Variants in WDPCP observed in about 807,000 individuals in gnomAD.
WDPCP encodes the protein WD repeat-containing and planar cell polarity effector protein fritz homolog.
Under a neutral mutation model 93.1 loss-of-function variants are expected in WDPCP, and 71 were observed. The ratio of observed to expected loss-of-function variants is 0.76; its 90% confidence interval spans 0.63 to 0.93. The LOEUF is 0.93. WDPCP is among the 40% of genes least tolerant of loss of function. WDPCP has a pLI of 0.00. For missense variants in WDPCP, 844 were observed against 887.4 expected (o/e 0.95, Z 0.62); for synonymous variants, 315 against 315.0 (o/e 1.00, Z 0.00).
intron 2 of WDPCP, among the ~76,000 whole-genome samples, chr2:63,690,888 T>C (rs1029183731): frequency 6.6e-6 from 1 of 152,200 alleles, no homozygotes; most frequent in Non-Finnish European, 1.5e-5. Flanking sequence ...TTGGAATTAA[T>C]ATAAATATCT....
chr2:63,551,403 C>A (rs2106359153), intron 1 of WDPCP, among the ~76,000 whole-genome samples: 1 of 152,244 alleles, frequency 6.6e-6, no homozygotes, highest in South Asian at 2.1e-4. Context: ...CTTGAGATAG[C>A]AAGTTCTCAC....
At chr2:63,610,745 T>A (rs1438601017) in intron 3 of WDPCP, among the ~76,000 whole-genome samples, 2 of 152,212 alleles carry the variant, frequency 1.3e-5, no homozygotes, top group Non-Finnish European at 2.9e-5. Flanking sequence ...ACATAAATTA[T>A]AACACACTGT....
In WDPCP at chr2:63,703,715, G is replaced by T. The variant is rs978157075; in HGVS notation, n.309-52877C>A. Among the ~76,000 whole-genome samples the T allele has an allele frequency of 4.6e-5, 7 of 152,130 alleles. No homozygotes were observed. The South Asian group carries it at 6.2e-4, about 14-fold the overall frequency. ...TTGGTTACTGTAGCCTTGTAGTATAGTTTGAAGTCAGGTAGCATGATGCCT... is the reference window on the plus strand; with the variant it reads ...TTGGTTACTGTAGCCTTGTAGTATATTTTGAAGTCAGGTAGCATGATGCCT... On this transcript the variant is annotated intron_variant and non_coding_transcript_variant, in intron 2 of 4. Coordinates refer to the WDPCP transcript ENST00000467687.
chr2:63,246,741 G>C (rs1294730285), intron 14 of WDPCP, among the ~76,000 whole-genome samples: 2 of 152,104 alleles, frequency 1.3e-5, no homozygotes, highest in Non-Finnish European at 2.9e-5. Context: ...TGTCAAGTGA[G>C]AGAAAAATGT....
chr2:63,787,242 C>G (rs986598578), intron 2 of WDPCP, among the ~76,000 whole-genome samples: 8 of 152,152 alleles, frequency 5.3e-5, no homozygotes, highest in African/African-American at 1.9e-4. Context: ...TGGAGATGGG[C>G]CCCTGTGGGG....
At chr2:63,378,549 ACTC>A in intron 11 of WDPCP, 40 bp from the exon 12 acceptor site, 2 of 1,612,362 alleles carry the variant, frequency 1.2e-6, no homozygotes, top group Non-Finnish European at 1.7e-6. Flanking sequence ...ACAAGTGAAA[ACTC>A]CTTCAATTAC....
chr2:63,195,623 T>C (rs978451716), intron 14 of WDPCP, among the ~76,000 whole-genome samples: 1 of 152,036 alleles, frequency 6.6e-6, no homozygotes, highest in African/African-American at 2.4e-5. Flanking sequence ...AGGACAGACA[T>C]AGATTTTTTC....
intron 2 of WDPCP, among the ~76,000 whole-genome samples, chr2:63,723,634 G>A (rs1428291000): frequency 2.0e-5 from 3 of 151,800 alleles, no homozygotes; most frequent in Non-Finnish European, 4.4e-5. Flanking sequence ...TGTCAGTTTG[G>A]ACAGTACTCA....
At chr2:63,755,039 T>C (rs919262980) in intron 2 of WDPCP, among the ~76,000 whole-genome samples, 11 of 152,208 alleles carry the variant, frequency 7.2e-5, no homozygotes, top group Non-Finnish European at 1.6e-4. Flanking sequence ...TTTGGTTTCC[T>C]GACACTCAGG....
At chr2:63,481,342 A>G (rs894806310) in intron 6 of WDPCP, among the ~76,000 whole-genome samples, 1 of 152,286 alleles carries the variant, frequency 6.6e-6, no homozygotes, top group East Asian at 1.9e-4. Flanking sequence ...GAGATTCCTT[A>G]AAGAACTAAA....
At position 63,378,526 on chromosome 2, in the gene WDPCP, T is replaced by C. The variant is rs200755555; in HGVS notation, c.1625-17A>G. Reference sequence around the variant, plus strand: ...CAAGCTGTGCTGTGGAATTCAAACATAGCAGCACTAAAACAAGTGAAAACT... The same window carrying C: ...CAAGCTGTGCTGTGGAATTCAAACACAGCAGCACTAAAACAAGTGAAAACT... On this transcript the variant is annotated splice_polypyrimidine_tract_variant and intron_variant, in intron 11 of 17. Coordinates refer to ENST00000272321, the MANE Select transcript of WDPCP (RefSeq NM_015910.7). 1.2e-6 allele frequency: 2 copies of C among 1,612,854 alleles called. No homozygotes were observed. Among genetic ancestry groups the C allele is most frequent in the South Asian group, 2.2e-5 (2 of 91,060 alleles).
intron 2 of WDPCP, among the ~76,000 whole-genome samples, chr2:63,705,864 G>A (rs1345351698): frequency 6.6e-6 from 1 of 151,882 alleles, no homozygotes; most frequent in Non-Finnish European, 1.5e-5. Flanking sequence ...TTAACTTTCT[G>A]TCTTGTTGAT....
chr2:63,157,528 G>GT (rs1350181091), intron 15 of WDPCP, among the ~76,000 whole-genome samples: 1 of 152,046 alleles, frequency 6.6e-6, no homozygotes, highest in Non-Finnish European at 1.5e-5. Flanking sequence ...CTTTTACAGA[G>GT]TTTTTTGTTT....
At chr2:63,184,168 TA>T (rs1328105619) in intron 14 of WDPCP, among the ~76,000 whole-genome samples, 1 of 152,188 alleles carries the variant, frequency 6.6e-6, no homozygotes, top group African/African-American at 2.4e-5. Flanking sequence ...ATCATAATGT[TA>T]ATTGTTATCA....
At chr2:63,486,651 C>T (rs1700592123) in intron 3 of WDPCP, 65 bp from the exon 4 acceptor site, 2 of 1,367,112 alleles carry the variant, frequency 1.5e-6, no homozygotes, top group South Asian at 2.6e-5. Context: ...TATTATAATG[C>T]CTTGTATTTT....
chr2:63,645,373 T>G (rs952272078), intron 3 of WDPCP, among the ~76,000 whole-genome samples: 1 of 152,174 alleles, frequency 6.6e-6, no homozygotes, highest in African/African-American at 2.4e-5. Context: ...AGATGCTGGA[T>G]AGTATTTCAA....
chr2:63,159,249 T>G lies in WDPCP; in HGVS notation c.2079-5675A>C, dbSNP rs114324195. 6.0e-3 allele frequency among the ~76,000 whole-genome samples: 898 copies of G among 150,360 alleles called. 9 individuals carry two copies. Among genetic ancestry groups the G allele is most frequent in the African/African-American group, 0.021 (844 of 41,078 alleles). The stretch of plus-strand genomic sequence containing the variant: ...CTTCTATTTCTTTTTGATACTTGGG[T>G]TTTTTTTTGTTTGTTGGTTTTTTAA... On this transcript the variant is annotated intron_variant, in intron 15 of 17. Transcript: ENST00000272321.
chr2:63,387,876 A>G (rs1341884901), intron 10 of WDPCP, among the ~76,000 whole-genome samples: 1 of 152,142 alleles, frequency 6.6e-6, no homozygotes. Context: ...CATTCACAAA[A>G]GCCACAAAAA....
chr2:63,286,591 G>T (rs899092354), intron 13 of WDPCP, among the ~76,000 whole-genome samples: 1 of 152,166 alleles, frequency 6.6e-6, no homozygotes, highest in Admixed American at 6.5e-5. Flanking sequence ...CAGCCCGCCT[G>T]CACCCAGGTG....
Sources: allele counts gnomAD v4.1 joint callset (sites outside exome capture counted in the v4.1 genomes callset), GRCh38; gene constraint gnomAD v4.1.1; transcripts MANE v1.5; gene names NCBI Gene and HGNC (gene_info 2026-07-23, HGNC 2026-07-21).